Variants in NDST4 observed in about 807,000 individuals in gnomAD.
NDST4 encodes N-heparan sulfate sulfotransferase 4.
Under a neutral mutation model 100.8 loss-of-function variants are expected in NDST4, and 63 were observed. The observed-to-expected ratio is 0.62, with a 90% CI of 0.51 to 0.77. The LOEUF is 0.77. Among genes scored for constraint, NDST4 ranks in the 30% least tolerant of loss-of-function variants. NDST4 has a pLI of 0.00. For synonymous variants in NDST4, 377 were observed against 361.8 expected (o/e 1.04, Z -0.48); for missense variants, 943 against 1,018.4 (o/e 0.93, Z 1.01).
chr4:114,986,890 A>T (rs866913097), intron 2 of NDST4, among the ~76,000 whole-genome samples: 5 of 144,574 alleles, frequency 3.5e-5, no homozygotes, highest in African/African-American at 7.7e-5. Flanking sequence ...AACTTATAAA[A>T]TTTTTTTGTC....
intron 1 of NDST4, among the ~76,000 whole-genome samples, chr4:115,099,257 C>G (rs1248708573): frequency 6.6e-6 from 1 of 151,576 alleles, no homozygotes; most frequent in Non-Finnish European, 1.5e-5. Flanking sequence ...TCTAGATGAC[C>G]TTGATTTTTT....
chr4:114,991,487 T>TATA (rs1727038634), intron 2 of NDST4, among the ~76,000 whole-genome samples: 1 of 152,060 alleles, frequency 6.6e-6, no homozygotes, highest in Non-Finnish European at 1.5e-5. Context: ...AACTATTTTT[T>TATA]AATAACATAA....
At chr4:114,886,849 A>G (rs1724490779) in intron 6 of NDST4, among the ~76,000 whole-genome samples, 1 of 152,146 alleles carries the variant, frequency 6.6e-6, no homozygotes, top group African/African-American at 2.4e-5. Context: ...AACAAAACGA[A>G]TTTTTGAATA....
chr4:115,025,459 C>G (rs773357276), intron 2 of NDST4, among the ~76,000 whole-genome samples: 1 of 151,990 alleles, frequency 6.6e-6, no homozygotes, highest in Non-Finnish European at 1.5e-5. Context: ...CATGAAGAAC[C>G]AAAATGTACA....
chr4:114,854,106 C>G (rs890163037), intron 7 of NDST4, among the ~76,000 whole-genome samples: 1 of 152,194 alleles, frequency 6.6e-6, no homozygotes, highest in Non-Finnish European at 1.5e-5. Context: ...GATCCCCATT[C>G]CTACCACCTC....
intron 6 of NDST4, among the ~76,000 whole-genome samples, chr4:114,907,306 A>G (rs1375064742): frequency 6.6e-6 from 1 of 152,184 alleles, no homozygotes. Context: ...TGCCCTCACA[A>G]TATGGCTCTG....
At chr4:114,882,203 A>G (rs1248288314) in intron 6 of NDST4, among the ~76,000 whole-genome samples, 2 of 151,622 alleles carry the variant, frequency 1.3e-5, no homozygotes, top group Non-Finnish European at 2.9e-5. Context: ...GACAAAACAC[A>G]TGAATTTCAT....
chr4:114,989,127 A>G (rs1264974233), intron 2 of NDST4, among the ~76,000 whole-genome samples: 1 of 152,276 alleles, frequency 6.6e-6, no homozygotes, highest in African/African-American at 2.4e-5. Flanking sequence ...AATCTAATAA[A>G]CACCTGCTAG....
intron 7 of NDST4, among the ~76,000 whole-genome samples, chr4:114,853,942 A>G (rs1197161146): frequency 2.0e-5 from 3 of 152,218 alleles, no homozygotes; most frequent in African/African-American, 7.2e-5. Context: ...CATTACTTCA[A>G]GCATTTATCA....
intron 2 of NDST4, among the ~76,000 whole-genome samples, chr4:115,030,155 A>G (rs1203035918): frequency 6.6e-6 from 1 of 152,142 alleles, no homozygotes; most frequent in Non-Finnish European, 1.5e-5. Flanking sequence ...ATAAATGGAT[A>G]GAGAAACAGA....
chr4:115,110,959 T>C (rs1729941101), intron 1 of NDST4, among the ~76,000 whole-genome samples: 1 of 152,146 alleles, frequency 6.6e-6, no homozygotes, highest in East Asian at 1.9e-4. Flanking sequence ...CCAGGGCTGA[T>C]ATTCTAGCTT....
chr4:114,877,777 A>G (rs1028872588), intron 6 of NDST4, among the ~76,000 whole-genome samples: 1 of 152,020 alleles, frequency 6.6e-6, no homozygotes, highest in Non-Finnish European at 1.5e-5. Context: ...GTGAAACCCC[A>G]TCTCTACTAC....
intron 6 of NDST4, among the ~76,000 whole-genome samples, chr4:114,903,792 G>T (rs1317482072): frequency 6.6e-6 from 1 of 151,870 alleles, no homozygotes. Flanking sequence ...AGCAACATAG[G>T]CACTATTTTT....
intron 7 of NDST4, among the ~76,000 whole-genome samples, chr4:114,864,668 A>T (rs2126194252): frequency 6.6e-6 from 1 of 152,322 alleles, no homozygotes; most frequent in Admixed American, 6.5e-5. Flanking sequence ...AAATCCATGC[A>T]GTCCCTCAAC....
chr4:114,952,184 C>G (rs1026771156), intron 4 of NDST4, among the ~76,000 whole-genome samples: 7 of 151,936 alleles, frequency 4.6e-5, no homozygotes, highest in Non-Finnish European at 1.5e-5. Flanking sequence ...AACAAGGTAT[C>G]CAGAAAAGAC....
At chr4:114,881,141 C>T (rs1168746001) in intron 6 of NDST4, among the ~76,000 whole-genome samples, 3 of 151,978 alleles carry the variant, frequency 2.0e-5, no homozygotes, top group African/African-American at 7.2e-5. Context: ...GGATCATAGT[C>T]AGATATGCAT....
intron 2 of NDST4, among the ~76,000 whole-genome samples, chr4:115,057,079 G>A (rs1050672342): frequency 6.6e-6 from 1 of 152,024 alleles, no homozygotes; most frequent in Non-Finnish European, 1.5e-5. Flanking sequence ...ATTTACATAT[G>A]TAAGTAATTC....
intron 2 of NDST4, among the ~76,000 whole-genome samples, chr4:115,050,872 C>T (rs753587711): frequency 7.2e-5 from 11 of 152,060 alleles, no homozygotes; most frequent in Non-Finnish European, 1.5e-4. Context: ...TGATGAAATA[C>T]AATCTTCTTC....
At chr4:114,844,414 A>G (rs1053589932) in intron 10 of NDST4, among the ~76,000 whole-genome samples, 1 of 152,200 alleles carries the variant, frequency 6.6e-6, no homozygotes, top group East Asian at 1.9e-4. Flanking sequence ...GTCTCTACCT[A>G]GGATTTTCCC....
Sources: allele counts gnomAD v4.1 joint callset (sites outside exome capture counted in the v4.1 genomes callset), GRCh38; gene constraint gnomAD v4.1.1; transcripts MANE v1.5; gene names NCBI Gene and HGNC (gene_info 2026-07-23, HGNC 2026-07-21).